Variants in NFX1 observed in about 807,000 individuals in gnomAD.
NFX1 encodes nuclear transcription factor, X-box binding 1.
Under a neutral mutation model 137.2 loss-of-function variants are expected in NFX1, and 69 were observed. The ratio of observed to expected loss-of-function variants is 0.50; its 90% CI spans 0.41 to 0.61. NFX1 has a LOEUF of 0.61. Among genes scored for constraint, NFX1 ranks in the 20% least tolerant of loss-of-function variants. The probability of loss-of-function intolerance (pLI) is 0.00; values close to 1 mark genes in which losing one functional copy is unlikely to be tolerated. For missense variants in NFX1, 1,167 were observed against 1,391.0 expected (o/e 0.84, Z 2.56); for synonymous variants, 495 against 474.1 (o/e 1.04, Z -0.57).
At chr9:33,311,580 T>A (rs1821960465) in intron 6 of NFX1, among the ~76,000 whole-genome samples, 1 of 150,406 alleles carries the variant, frequency 6.6e-6, no homozygotes, top group Admixed American at 6.6e-5. Flanking sequence ...TGAGACGGAG[T>A]CTCGGTCTGT....
Position 33,304,191 on chromosome 9 carries a change from G to A in NFX1, c.1270+923G>A, listed in dbSNP as rs546435190. On this transcript the variant is annotated intron_variant, in intron 4 of 23. Transcript: ENST00000379540. ...GCAGGAGAATCGCTTGAACCTGGGA[G>A]GCAGAGGTTGCAATGATCCAAGATC... 7.2e-5 allele frequency among the ~76,000 whole-genome samples: 11 copies of A among 152,328 alleles called. No individual in the cohort carries two copies. The East Asian group carries it at 1.9e-3, about 27-fold the overall frequency.
At chr9:33,300,623 T>A (rs1234778971) in intron 2 of NFX1, among the ~76,000 whole-genome samples, 3 of 152,150 alleles carry the variant, frequency 2.0e-5, no homozygotes, top group African/African-American at 4.8e-5. Context: ...TGGAAGTGGG[T>A]GAAGGTATTC....
At chr9:33,339,959 C>A (rs987388192) in intron 12 of NFX1, among the ~76,000 whole-genome samples, 2 of 152,228 alleles carry the variant, frequency 1.3e-5, no homozygotes, top group African/African-American at 4.8e-5. Flanking sequence ...TGCAGCCCCC[C>A]TCCCAGCTGC....
intron 7 of NFX1, among the ~76,000 whole-genome samples, chr9:33,314,379 T>C (rs746915708): frequency 1.3e-5 from 2 of 152,110 alleles, no homozygotes; most frequent in Non-Finnish European, 2.9e-5. Flanking sequence ...CAAAATAATC[T>C]TTTTAAAAAT....
chr9:33,296,642 A>G (rs574494449), intron 2 of NFX1, among the ~76,000 whole-genome samples: 1 of 152,364 alleles, frequency 6.6e-6, no homozygotes, highest in Admixed American at 6.5e-5. Context: ...AGCTGAAGTG[A>G]GAGGATCACT....
At chr9:33,297,550 C>T (rs907677228) in intron 2 of NFX1, among the ~76,000 whole-genome samples, 2 of 152,190 alleles carry the variant, frequency 1.3e-5, no homozygotes. Context: ...GCTGGGTTCT[C>T]TGCTCAGTGT....
At chr9:33,369,733 A>C (rs1393218160) in intron 23 of NFX1, among the ~76,000 whole-genome samples, 173 bp from the exon 24 acceptor site, 1 of 152,212 alleles carries the variant, frequency 6.6e-6, no homozygotes, top group Admixed American at 6.5e-5. Flanking sequence ...GAAACACAAA[A>C]GTTAAAAAAA....
intron 21 of NFX1, 58 bp downstream of exon 21, chr9:33,364,832 A>C (rs1324240511): frequency 6.3e-7 from 1 of 1,596,166 alleles, no homozygotes; most frequent in Admixed American, 1.8e-5. Flanking sequence ...TGAAAAAAAA[A>C]AAGCAATCAA....
chr9:33,316,297 G>A (rs1822160261), intron 7 of NFX1, among the ~76,000 whole-genome samples: 1 of 151,530 alleles, frequency 6.6e-6, no homozygotes, highest in Non-Finnish European at 1.5e-5. Flanking sequence ...TCTCTATCCT[G>A]GTACTTACCA....
chr9:33,328,034 A>T (rs1197381522), intron 9 of NFX1, among the ~76,000 whole-genome samples: 2 of 152,146 alleles, frequency 1.3e-5, no homozygotes, highest in Non-Finnish European at 2.9e-5. Context: ...GTTTTGAAAC[A>T]GGGTCTTGCT....
intron 4 of NFX1, 77 bp from the exon 5 acceptor site, chr9:33,307,117 T>A: frequency 9.1e-7 from 1 of 1,101,880 alleles, no homozygotes; most frequent in South Asian, 1.4e-5. Flanking sequence ...GCTGCCTAGC[T>A]ATACTTTACT....
chr9:33,293,919 A>G (rs1055660208), intron 1 of NFX1, among the ~76,000 whole-genome samples: 3 of 152,256 alleles, frequency 2.0e-5, no homozygotes, highest in Admixed American at 1.3e-4. Flanking sequence ...ATCCTTTACC[A>G]TAGACAAGGA....
chr9:33,314,666 G>A (rs1822090030), intron 7 of NFX1, among the ~76,000 whole-genome samples: 1 of 151,952 alleles, frequency 6.6e-6, no homozygotes, highest in Non-Finnish European at 1.5e-5. Flanking sequence ...GACAGAATGA[G>A]GCTCAGTCTA....
Position 33,342,979 on chromosome 9 carries a change from T to C in NFX1, c.2224+125T>C, listed in dbSNP as rs1210818887. On this transcript the variant is annotated intron_variant, in intron 13 of 23. Coordinates refer to ENST00000379540, the MANE Select transcript of NFX1 (RefSeq NM_002504.6). ...GAACTAAGCCTTCGTATTTCCAATA[T>C]GTTGAGACTTTTTTTAAAGTTACTT... 4 of 660,676 alleles carry C rather than the reference T, an allele frequency of 6.1e-6. No homozygotes were observed. The East Asian group carries it at 1.1e-4, about 19-fold the overall frequency. The allele number at this position is 660,676 out of a possible 1,614,324, so 40.9% of individuals were successfully genotyped here.
At chr9:33,309,434 G>A (rs1426225492) in intron 5 of NFX1, among the ~76,000 whole-genome samples, 1 of 151,928 alleles carries the variant, frequency 6.6e-6, no homozygotes, top group Non-Finnish European at 1.5e-5. Flanking sequence ...GATTAAAACT[G>A]TTGCAGATCA....
chr9:33,337,228 A>G (rs949668285), intron 11 of NFX1, among the ~76,000 whole-genome samples: 4 of 152,202 alleles, frequency 2.6e-5, no homozygotes, highest in African/African-American at 9.6e-5. Flanking sequence ...GAAAATATTC[A>G]AAGAAACAAA....
In NFX1 at chr9:33,294,873, G is replaced by C. The variant is rs1205205416; in HGVS notation, c.479G>C (p.Gly160Ala). The C allele has an allele frequency of 6.2e-7, 1 of 1,614,096 alleles. No homozygotes were observed. The highest frequency in any genetic ancestry group is 1.3e-5 in the African/African-American group (1 of 75,022). Reference sequence around the variant, plus strand: ...TCTGAGAGTGAGAAGGAAGTTGTGGGTGCAGATCCCAGGGGAGCAAAACCC... The same window carrying C: ...TCTGAGAGTGAGAAGGAAGTTGTGGCTGCAGATCCCAGGGGAGCAAAACCC... ...SPSESEKEVV[G>A]ADPRGAKPKK... Residue 160 changes from glycine (G) to alanine (A), a missense_variant, in exon 2 of 24, where the codon GGT (glycine) becomes GCT (alanine). Gly to Ala is a moderately conservative substitution (Grantham distance 60). Transcript: ENST00000379540.
chr9:33,323,233 A>G lies in NFX1; in HGVS notation c.1906+4106A>G, dbSNP rs555352837. 6.6e-5 allele frequency among the ~76,000 whole-genome samples: 10 copies of G among 152,344 alleles called. No individual in the cohort carries two copies. The East Asian group carries it at 1.7e-3, about 26-fold the overall frequency. On this transcript the variant is annotated intron_variant, in intron 9 of 23. Coordinates refer to ENST00000379540, the MANE Select transcript of NFX1 (RefSeq NM_002504.6). ...TGTAGGGAAAATAGACTTCACTGAAATAGTCTAGCCAAGTCACAAAACAAA... is the reference window on the plus strand; with the variant it reads ...TGTAGGGAAAATAGACTTCACTGAAGTAGTCTAGCCAAGTCACAAAACAAA...
intron 16 of NFX1, among the ~76,000 whole-genome samples, chr9:33,352,147 G>T (rs1412954293): frequency 6.6e-6 from 1 of 152,192 alleles, no homozygotes; most frequent in Non-Finnish European, 1.5e-5. Flanking sequence ...GAGACACATG[G>T]TTCCTCACAA....
Sources: gnomAD v4.1 joint callset for allele counts (sites outside exome capture counted in the v4.1 genomes callset) on GRCh38, gnomAD v4.1.1 for gene constraint, MANE v1.5 for transcripts, NCBI Gene and HGNC (gene_info 2026-07-23, HGNC 2026-07-21) for gene names.